MYO5B: variants seen among roughly 807,000 people sequenced by gnomAD.
The protein encoded by MYO5B is myosin VB, also known as unconventional myosin-Vb.
A neutral mutation model predicts 229.3 loss-of-function variants in MYO5B; 143 were observed. The ratio of observed to expected loss-of-function variants is 0.62; its 90% CI spans 0.54 to 0.72. MYO5B has a LOEUF of 0.72. Among genes scored for constraint, MYO5B ranks in the 30% least tolerant of loss-of-function variants. MYO5B has a pLI of 0.00. For synonymous variants in MYO5B, 918 were observed against 885.2 expected, an observed-to-expected ratio of 1.04 and a Z score of -0.66; for missense variants, 2,321 against 2,331.0, an observed-to-expected ratio of 1.00 and a Z score of 0.09.
intron 7 of MYO5B, 26 bp downstream of exon 7, chr18:49,990,413 G>A: frequency 1.3e-6 from 2 of 1,597,314 alleles, no homozygotes; most frequent in Admixed American, 1.7e-5. Context: ...CCACCCCAGA[G>A]GATAGGCATG....
rs1005622605 is a variant in MYO5B at position 49,864,494 on chromosome 18, GTTGACACACA to G, written c.3604-124_3604-115del. The G allele has an allele frequency of 6.3e-6, 9 of 1,435,122 alleles. No individual in the cohort carries two copies. In the African/African-American group the frequency reaches 1.3e-4, roughly 20 times the overall value. The allele number at this position is 1,435,122 out of a possible 1,614,324, so 88.9% of individuals were successfully genotyped here. ...CACTGGGAAACTTCGCTCTTTAAAC[GTTGACACACA>G]TGGAAAGTTCTGACTGCCATCAGCA... is the stretch of plus-strand genomic sequence containing the variant. On this transcript the variant is annotated intron_variant, in intron 27 of 39. Transcript: ENST00000285039.
intron 29 of MYO5B, among the ~76,000 whole-genome samples, chr18:49,860,502 TTCCTGCAGC>T (rs1300363877): frequency 6.6e-6 from 1 of 152,196 alleles, no homozygotes; most frequent in Non-Finnish European, 1.5e-5. Context: ...GCCACCCGCA[TTCCTGCAGC>T]TCCTCTCAGA....
intron 1 of MYO5B, among the ~76,000 whole-genome samples, chr18:50,174,496 G>A (rs2032966744): frequency 6.6e-6 from 1 of 152,218 alleles, no homozygotes; most frequent in South Asian, 2.1e-4. Context: ...AACAGCTCAG[G>A]GTCTCCATTC....
intron 12 of MYO5B, among the ~76,000 whole-genome samples, chr18:49,957,676 A>AC (rs1235480965): frequency 1.7e-5 from 2 of 116,770 alleles, no homozygotes; most frequent in African/African-American, 4.0e-5. Flanking sequence ...ACAAAACAAA[A>AC]AAAGCCAAAA....
chr18:50,014,187 A>G (rs1277840828), intron 4 of MYO5B, among the ~76,000 whole-genome samples: 2 of 151,930 alleles, frequency 1.3e-5, no homozygotes, highest in Non-Finnish European at 2.9e-5. Flanking sequence ...GAGAAGCAGT[A>G]GCAGAAAAAC....
chr18:50,162,469 C>T (rs189456940), intron 1 of MYO5B, among the ~76,000 whole-genome samples: 96 of 152,296 alleles, frequency 6.3e-4, no homozygotes, highest in South Asian at 1.2e-3. Flanking sequence ...CAAGTTCAGC[C>T]TCCTGATAGA....
chr18:49,969,536 T>C lies in MYO5B; in HGVS notation c.1322+4814A>G, dbSNP rs138377104. Among the ~76,000 whole-genome samples, 309 of 152,320 alleles carry C rather than the reference T, an allele frequency of 2.0e-3. 1 individual carries two copies. Among genetic ancestry groups the C allele is most frequent in the African/African-American group, 7.1e-3 (294 of 41,574 alleles). On this transcript the variant is annotated intron_variant, in intron 10 of 39. Transcript: ENST00000285039. ...CCGCCTGCTCCCACACTGTGGCGTGTACTTTCATTTTCAATAAATCCCTTC... is the reference window on the plus strand; with the variant it reads ...CCGCCTGCTCCCACACTGTGGCGTGCACTTTCATTTTCAATAAATCCCTTC...
intron 27 of MYO5B, among the ~76,000 whole-genome samples, chr18:49,869,781 G>GTTCTGT (rs2024437178): frequency 6.6e-6 from 1 of 152,028 alleles, no homozygotes; most frequent in Non-Finnish European, 1.5e-5. Context: ...ACAGATGGGT[G>GTTCTGT]GGCCCTATCC....
At chr18:50,166,073 C>T (rs958794707) in intron 1 of MYO5B, among the ~76,000 whole-genome samples, 1 of 152,162 alleles carries the variant, frequency 6.6e-6, no homozygotes, top group East Asian at 1.9e-4. Context: ...TTTTCAGCAA[C>T]CAGAAAAGTC....
chr18:49,901,628 A>G (rs1204464017), intron 21 of MYO5B, among the ~76,000 whole-genome samples: 1 of 152,260 alleles, frequency 6.6e-6, no homozygotes, highest in African/African-American at 2.4e-5. Flanking sequence ...AAAGAGGTTC[A>G]GAGTAGTCAC....
intron 1 of MYO5B, among the ~76,000 whole-genome samples, chr18:50,085,409 G>A (rs1473577258): frequency 4.6e-5 from 7 of 151,958 alleles, no homozygotes; most frequent in Non-Finnish European, 8.8e-5. Flanking sequence ...AAAAAGTCAG[G>A]AAACAACAGG....
At chr18:49,914,923 C>T (rs1816052694) in intron 17 of MYO5B, among the ~76,000 whole-genome samples, 1 of 152,130 alleles carries the variant, frequency 6.6e-6, no homozygotes, top group South Asian at 2.1e-4. Context: ...CCAGATCTTC[C>T]AGCATTGCGG....
intron 1 of MYO5B, among the ~76,000 whole-genome samples, chr18:50,061,993 A>T (rs1308493567): frequency 6.6e-6 from 1 of 152,176 alleles, no homozygotes; most frequent in Non-Finnish European, 1.5e-5. Context: ...GTACTGAACA[A>T]TTTGCCCAAG....
intron 1 of MYO5B, among the ~76,000 whole-genome samples, chr18:50,055,998 G>A (rs1244765154): frequency 6.6e-6 from 1 of 152,136 alleles, no homozygotes; most frequent in Non-Finnish European, 1.5e-5. Flanking sequence ...GGTCACTGCA[G>A]CCTCCAACTC....
At chr18:50,094,737 C>T (rs888409334) in intron 1 of MYO5B, among the ~76,000 whole-genome samples, 1 of 152,182 alleles carries the variant, frequency 6.6e-6, no homozygotes, top group African/African-American at 2.4e-5. Flanking sequence ...TGGTACATAA[C>T]ACACTGATGT....
rs184004605 is a variant in MYO5B at position 49,835,441 on chromosome 18, C to G, written c.5314-17G>C. On this transcript the variant is annotated splice_polypyrimidine_tract_variant and intron_variant, in intron 38 of 39. Coordinates refer to ENST00000285039, the MANE Select transcript of MYO5B (RefSeq NM_001080467.3). ...TTTGACAATCTGTTGGGGATAAAAA[C>G]GGAATTTAGCACAGAGCTAAATGAA... 82 of 1,528,230 alleles carry G rather than the reference C, an allele frequency of 5.4e-5. No homozygotes were observed. The highest frequency in any genetic ancestry group is 7.3e-5 in the Non-Finnish European group (80 of 1,102,082). The allele number at this position is 1,528,230 out of a possible 1,614,324, so 94.7% of individuals were successfully genotyped here.
intron 16 of MYO5B, among the ~76,000 whole-genome samples, chr18:49,933,607 G>A (rs1194825625): frequency 6.6e-6 from 1 of 152,178 alleles, no homozygotes; most frequent in Non-Finnish European, 1.5e-5. Flanking sequence ...ATTTTTAGCT[G>A]TCACAATGAT....
intron 1 of MYO5B, among the ~76,000 whole-genome samples, chr18:50,173,311 G>A (rs1166322118): frequency 3.9e-5 from 6 of 151,956 alleles, no homozygotes; most frequent in Non-Finnish European, 4.4e-5. Flanking sequence ...AGTGCGGATG[G>A]ATGCAGCAGG....
At position 49,836,767 on chromosome 18, in the gene MYO5B, T is replaced by G; in HGVS notation, c.5257A>C (p.Thr1753Pro). ...AAQLLQLKKKTQEDAEAICSL... is the reference protein window; with the variant it reads ...AAQLLQLKKKPQEDAEAICSL... ...CAGATAGCCTCTGCGTCCTCCTGGGTTTTCTTCTTTAATTGCAGGAGCTGG... is the reference window on the plus strand; with the variant it reads ...CAGATAGCCTCTGCGTCCTCCTGGGGTTTCTTCTTTAATTGCAGGAGCTGG... The change falls in exon 38 of 40, where the codon ACC (threonine) becomes CCC (proline). Residue 1753 changes from threonine (T) to proline (P), a missense_variant. Transcript: ENST00000285039. 2 of 1,614,144 alleles carry G rather than the reference T, an allele frequency of 1.2e-6. No homozygotes were observed. The highest frequency in any genetic ancestry group is 1.7e-6 in the Non-Finnish European group (2 of 1,180,008).
Sources: gnomAD v4.1 joint callset for allele counts (sites outside exome capture counted in the v4.1 genomes callset) on GRCh38, gnomAD v4.1.1 for gene constraint, MANE v1.5 for transcripts, NCBI Gene and HGNC (gene_info 2026-07-23, HGNC 2026-07-21) for gene names.